The following PCOLCE2 variants were observed in gnomAD, a reference collection of about 807,000 sequenced individuals.
PCOLCE2 encodes procollagen C-proteinase enhancer 2.
A neutral mutation model predicts 47.0 loss-of-function variants in PCOLCE2; 42 were observed. The observed-to-expected ratio is 0.89, with a 90% confidence interval of 0.70 to 1.16. The LOEUF (loss-of-function observed/expected upper bound fraction) is 1.16. Among genes scored for constraint, PCOLCE2 ranks in the 50% most tolerant of loss-of-function variants. The pLI is 0.00. For synonymous variants in PCOLCE2, 169 were observed against 191.7 expected, an observed-to-expected ratio of 0.88 and a Z score of 0.98; for missense variants, 500 against 526.1, an observed-to-expected ratio of 0.95 and a Z score of 0.49.
chr3:142,845,447 C>T (rs1937316618), intron 3 of PCOLCE2, among the ~76,000 whole-genome samples: 1 of 152,108 alleles, frequency 6.6e-6, no homozygotes, highest in South Asian at 2.1e-4. Context: ...AAGAAAATAA[C>T]ATATACCCTT....
At chr3:142,835,888 C>T (rs935548026) in intron 5 of PCOLCE2, among the ~76,000 whole-genome samples, 4 of 152,220 alleles carry the variant, frequency 2.6e-5, no homozygotes, top group African/African-American at 7.2e-5. Flanking sequence ...AACTGATCCT[C>T]CAACCTCAGG....
intron 3 of PCOLCE2, among the ~76,000 whole-genome samples, chr3:142,844,244 C>T (rs900038602): frequency 6.6e-6 from 1 of 152,216 alleles, no homozygotes; most frequent in African/African-American, 2.4e-5. Context: ...GTTCTCTACA[C>T]TACTTTTCTG....
intron 2 of PCOLCE2, among the ~76,000 whole-genome samples, chr3:142,865,078 T>C (rs1578046068): frequency 6.6e-6 from 1 of 152,186 alleles, no homozygotes; most frequent in Non-Finnish European, 1.5e-5. Context: ...AAAGTGGCTG[T>C]ACCATTTTAC....
At chr3:142,886,830 C>T (rs1044330816) in intron 2 of PCOLCE2, among the ~76,000 whole-genome samples, 2 of 152,142 alleles carry the variant, frequency 1.3e-5, no homozygotes, top group Admixed American at 6.5e-5. Flanking sequence ...ATGGTAAATG[C>T]CTGGCACACA....
chr3:142,817,931 A>T lies in PCOLCE2; in HGVS notation c.*404T>A, dbSNP rs1484373995. ...AGAAAACGCAAGACAAGATTGTAAC[A>T]CCTCAGGGCAAAGGCTTGAAGGTGA... is the stretch of plus-strand genomic sequence containing the variant. On this transcript the variant is annotated 3_prime_UTR_variant, in exon 9 of 9. Coordinates refer to ENST00000295992, the MANE Select transcript of PCOLCE2 (RefSeq NM_013363.4). The T allele has an allele frequency of 1.3e-5, 2 of 157,716 alleles. No individual in the cohort carries two copies. The highest frequency in any genetic ancestry group is 2.8e-5 in the Non-Finnish European group (2 of 71,050). 9.8% of individuals were successfully genotyped at this position (157,716 alleles called of 1,614,324 possible). A position where few individuals can be genotyped will look rare whatever the true frequency, so the allele number is the denominator to read the frequency against.
intron 4 of PCOLCE2, 149 bp from the exon 5 acceptor site, chr3:142,839,055 T>C: frequency 3.5e-6 from 2 of 567,708 alleles, no homozygotes; most frequent in Non-Finnish European, 3.0e-6. Flanking sequence ...TGCATATTTC[T>C]TATTTAGTTA....
intron 6 of PCOLCE2, chr3:142,827,264 A>T: frequency 8.0e-7 from 1 of 1,248,660 alleles, no homozygotes. Context: ...GTTCATGGCC[A>T]CATCCCATAC....
intron 5 of PCOLCE2, among the ~76,000 whole-genome samples, chr3:142,836,040 G>A (rs1217003130): frequency 6.6e-6 from 1 of 152,148 alleles, no homozygotes; most frequent in Non-Finnish European, 1.5e-5. Flanking sequence ...TGTTTTGCAA[G>A]TTAAAAACTG....
At chr3:142,832,507 C>G (rs1937161469) in intron 5 of PCOLCE2, among the ~76,000 whole-genome samples, 1 of 152,172 alleles carries the variant, frequency 6.6e-6, no homozygotes. Flanking sequence ...CCTGCTGTCT[C>G]TAACTCCAAC....
In PCOLCE2 at chr3:142,839,894, CA is replaced by C. The variant is rs368512504; in HGVS notation, c.574-989del. On this transcript the variant is annotated intron_variant, in intron 4 of 8. Coordinates refer to ENST00000295992, the MANE Select transcript of PCOLCE2 (RefSeq NM_013363.4). ...TGTGTTATAGTGGGAAAAGGGGCTA[CA>C]TACCTTAATAGAAGCTAATAGAAAT... is the stretch of plus-strand genomic sequence containing the variant. Among the ~76,000 whole-genome samples, 361 of 152,310 alleles carry C rather than the reference CA, an allele frequency of 2.4e-3. 1 individual carries two copies. Among genetic ancestry groups the C allele is most frequent in the Middle Eastern group, 0.01 (3 of 294 alleles).
intron 6 of PCOLCE2, among the ~76,000 whole-genome samples, chr3:142,824,204 T>C (rs1293508336): frequency 1.3e-5 from 2 of 151,946 alleles, no homozygotes; most frequent in Admixed American, 6.5e-5. Context: ...TTTAAAAGTA[T>C]ACCAAATAGA....
chr3:142,834,459 A>G (rs1295376397), intron 5 of PCOLCE2, among the ~76,000 whole-genome samples: 1 of 152,198 alleles, frequency 6.6e-6, no homozygotes, highest in African/African-American at 2.4e-5. Flanking sequence ...TTCCCTATTA[A>G]GCACATTTTT....
At chr3:142,827,329 C>T in intron 6 of PCOLCE2, 1 of 1,420,082 alleles carries the variant, frequency 7.0e-7, no homozygotes, top group Non-Finnish European at 9.9e-7. Context: ...GGCAAGCCTT[C>T]AAGATGGGTT....
intron 3 of PCOLCE2, among the ~76,000 whole-genome samples, chr3:142,843,761 A>T (rs1409306582): frequency 6.6e-6 from 1 of 152,144 alleles, no homozygotes; most frequent in Non-Finnish European, 1.5e-5. Flanking sequence ...ATTTTACTTG[A>T]ATGTAAATAA....
chr3:142,818,278 A>T lies in PCOLCE2; in HGVS notation c.*57T>A. On this transcript the variant is annotated 3_prime_UTR_variant, in exon 9 of 9. Coordinates refer to ENST00000295992, the MANE Select transcript of PCOLCE2 (RefSeq NM_013363.4). ...TAAGTATTTTTTTTTCTACTGAGAG[A>T]ACATAGATCTTTCAAAGGCAATGGC... 1 of 1,479,242 alleles carries T rather than the reference A, an allele frequency of 6.8e-7. No homozygotes were observed. The highest frequency in any genetic ancestry group is 1.4e-5 in the African/African-American group (1 of 71,536). 91.6% of individuals were successfully genotyped at this position (1,479,242 alleles called of 1,614,324 possible).
intron 6 of PCOLCE2, chr3:142,827,693 G>C: frequency 8.6e-7 from 1 of 1,165,772 alleles, no homozygotes; most frequent in Admixed American, 1.7e-5. Flanking sequence ...GACCACCTTG[G>C]GGAGGGGCGC....
intron 1 of PCOLCE2, 100 bp downstream of exon 1, chr3:142,888,714 C>T (rs1933764959): frequency 1.4e-6 from 1 of 704,762 alleles, no homozygotes; most frequent in Non-Finnish European, 2.1e-6. Context: ...CGCTGGGTCA[C>T]CCAGGCGCGC....
rs1933574412 is a variant in PCOLCE2 at position 142,879,837 on chromosome 3, G to T, written c.192+7832C>A. On this transcript the variant is annotated intron_variant, in intron 2 of 8. Transcript: ENST00000295992. ...TACAAAAAATTAGGCAGGCGTGGTG[G>T]GGGGGCGCCTGTAGTCCCAGCTACT... Among the ~76,000 whole-genome samples the T allele has an allele frequency of 4.6e-5, 7 of 151,926 alleles. 1 individual carries two copies. Among genetic ancestry groups the T allele is most frequent in the Admixed American group, 4.6e-4 (7 of 15,254 alleles).
In PCOLCE2 at chr3:142,838,866, T is replaced by C. The variant is rs780707388; in HGVS notation, c.614A>G (p.Asp205Gly). ...LKFEKFDVERDNYCRYDYVAV... is the reference protein window; with the variant it reads ...LKFEKFDVERGNYCRYDYVAV... ...CACATAATCATATCGGCAGTAGTTA[T>C]CTCGCTCCACATCAAACTTCTCAAA... Residue 205 changes from aspartate to glycine, a missense_variant, in exon 5 of 9, where the codon GAT becomes GGT. Physicochemically the swap from Asp to Gly is moderately conservative, Grantham distance 94. Coordinates refer to ENST00000295992, the MANE Select transcript of PCOLCE2 (RefSeq NM_013363.4). The C allele has an allele frequency of 5.0e-6, 8 of 1,613,192 alleles. No individual in the cohort carries two copies. The highest frequency in any genetic ancestry group is 5.9e-6 in the Non-Finnish European group (7 of 1,179,132).
Sources: allele counts gnomAD v4.1 joint callset (sites outside exome capture counted in the v4.1 genomes callset), GRCh38; gene constraint gnomAD v4.1.1; transcripts MANE v1.5; gene names NCBI Gene and HGNC (gene_info 2026-07-23, HGNC 2026-07-21).